Variants in FAM200C observed in about 807,000 individuals in gnomAD.
chr5:160,399,997 G>A, the FAM200C span: 1 of 152,296 alleles, frequency 6.6e-6, no homozygotes, highest in East Asian at 1.9e-4. Flanking sequence ...CGCCTGGAGA[G>A]AGAAGCATCC....
the FAM200C span, among the ~76,000 whole-genome samples, chr5:160,398,372 A>C: frequency 3.3e-5 from 5 of 152,214 alleles, no homozygotes; most frequent in Non-Finnish European, 5.9e-5. Context: ...CAACTTGGCG[A>C]AACCTCGTCT....
chr5:160,395,893 ACCTTCTT>A, the FAM200C span, among the ~76,000 whole-genome samples: 6 of 152,126 alleles, frequency 3.9e-5, no homozygotes, highest in African/African-American at 1.4e-4. Context: ...CACTACCACC[ACCTTCTT>A]CCACTCAGCC....
the FAM200C span, chr5:160,394,324 T>G: frequency 6.2e-7 from 1 of 1,613,924 alleles, no homozygotes; most frequent in Non-Finnish European, 8.5e-7. Context: ...TCTGCATAGA[T>G]GCACTGAGTT....
chr5:160,393,672 A>G, the FAM200C span: 1 of 1,359,846 alleles, frequency 7.4e-7, no homozygotes, highest in Non-Finnish European at 1.0e-6. Context: ...AATGATATTA[A>G]GATTGAAATT....
chr5:160,394,643 A>C, the FAM200C span: 2 of 1,614,120 alleles, frequency 1.2e-6, no homozygotes, highest in Non-Finnish European at 1.7e-6. Context: ...TTTTGTAGGC[A>C]ATGTCTTTAT....
the FAM200C span, chr5:160,394,898 CTT>C: frequency 2.5e-6 from 4 of 1,612,804 alleles, no homozygotes; most frequent in African/African-American, 1.3e-5. Context: ...TACGATCTCT[CTT>C]TCTTTTATAT....
chr5:160,393,650 G>A, the FAM200C span: 2 of 1,248,814 alleles, frequency 1.6e-6, no homozygotes, highest in Admixed American at 5.2e-5. Flanking sequence ...CAGAATTACA[G>A]CTTAATTTTA....
At chr5:160,399,334 T>C in the FAM200C span, among the ~76,000 whole-genome samples, 2 of 152,126 alleles carry the variant, frequency 1.3e-5, no homozygotes, top group Non-Finnish European at 2.9e-5. Context: ...GGAATGCTAA[T>C]ATATATATAT....
the FAM200C span, chr5:160,394,023 A>C: frequency 6.2e-7 from 1 of 1,612,736 alleles, no homozygotes; most frequent in Non-Finnish European, 8.5e-7. Context: ...TTTTTCATTA[A>C]ATAACTATCA....
At chr5:160,393,182 A>C in the FAM200C span, 2 of 152,522 alleles carry the variant, frequency 1.3e-5, no homozygotes, top group Admixed American at 6.5e-5. Context: ...TATGATATTC[A>C]TAGCACAGGA....
chr5:160,393,843 AT>A, the FAM200C span: 2 of 1,613,858 alleles, frequency 1.2e-6, no homozygotes. Flanking sequence ...TGTAAAAGTG[AT>A]GAAAATCCCA....
chr5:160,398,278 G>T, the FAM200C span, among the ~76,000 whole-genome samples: 8 of 152,200 alleles, frequency 5.3e-5, no homozygotes, highest in South Asian at 1.7e-3. Flanking sequence ...GGCTGGGTAC[G>T]GTGGCTCATG....
chr5:160,394,346 T>C, the FAM200C span: 12 of 1,613,876 alleles, frequency 7.4e-6, no homozygotes, highest in Admixed American at 3.3e-5. Context: ...ATTTAAGTGT[T>C]TGAATAAATC....
chr5:160,396,107 C>T, the FAM200C span, among the ~76,000 whole-genome samples: 5 of 152,254 alleles, frequency 3.3e-5, no homozygotes, highest in African/African-American at 4.8e-5. Flanking sequence ...AAATAACATA[C>T]ATTGTACTCA....
chr5:160,394,326 C>T, the FAM200C span: 5 of 1,613,692 alleles, frequency 3.1e-6, no homozygotes, highest in Non-Finnish European at 2.5e-6. Flanking sequence ...TGCATAGATG[C>T]ACTGAGTTCA....
At chr5:160,394,840 T>A in the FAM200C span, 2 of 1,613,640 alleles carry the variant, frequency 1.2e-6, no homozygotes, top group Non-Finnish European at 1.7e-6. Context: ...TGAACACATC[T>A]ATTCCTTTCA....
chr5:160,395,880 T>C, the FAM200C span, among the ~76,000 whole-genome samples: 2,081 of 152,294 alleles, frequency 0.014, 54 homozygotes, highest in African/African-American at 0.046. Flanking sequence ...AGAAAGGGCA[T>C]CTCACTACCA....
chr5:160,398,167 AG>A, the FAM200C span, among the ~76,000 whole-genome samples: 5 of 152,096 alleles, frequency 3.3e-5, no homozygotes, highest in African/African-American at 7.2e-5. Context: ...GCTTGAACCC[AG>A]GGGGCAGAGG....
chr5:160,393,636 G>A, the FAM200C span: 1 of 1,133,156 alleles, frequency 8.8e-7, no homozygotes, highest in Non-Finnish European at 1.3e-6. Flanking sequence ...AAATATGAAA[G>A]AGACAGAATT....
Sources: gnomAD v4.1 joint callset for allele counts (sites outside exome capture counted in the v4.1 genomes callset) on GRCh38, gnomAD v4.1.1 for gene constraint, MANE v1.5 for transcripts.